Variants in AGBL4 observed in about 807,000 individuals in gnomAD.
The protein encoded by AGBL4 is cytosolic carboxypeptidase 6.
AGBL4 carries 58 observed loss-of-function variants against 66.4 expected under a neutral mutation model. The observed-to-expected ratio is 0.87, with a 90% CI of 0.71 to 1.09. The LOEUF (loss-of-function observed/expected upper bound fraction) is 1.09, where lower values mean the gene tolerates loss of function less well. Among genes scored for constraint, AGBL4 ranks in the 50% least tolerant of loss-of-function variants. The probability of loss-of-function intolerance (pLI) is 0.00; values close to 1 mark genes in which losing one functional copy is unlikely to be tolerated. For synonymous variants in AGBL4, 234 were observed against 222.9 expected (o/e 1.05, Z -0.44); for missense variants, 579 against 631.0 (o/e 0.92, Z 0.88).
At chr1:49,217,370 A>C (rs529041291) in intron 4 of AGBL4, among the ~76,000 whole-genome samples, 1 of 152,084 alleles carries the variant, frequency 6.6e-6, no homozygotes, top group Admixed American at 6.6e-5. Context: ...GCCTTTGCTG[A>C]AGCTATTATT....
chr1:48,570,906 A>G (rs1328479474), intron 11 of AGBL4, among the ~76,000 whole-genome samples: 1 of 152,184 alleles, frequency 6.6e-6, no homozygotes, highest in Non-Finnish European at 1.5e-5. Flanking sequence ...AAAACTGGTC[A>G]TCTGGCTTCG....
In AGBL4 at chr1:49,780,109, A is replaced by G. The variant is rs1557439151; in HGVS notation, c.157+71287T>C. 3.9e-5 allele frequency among the ~76,000 whole-genome samples: 6 copies of G among 152,290 alleles called. No individual in the cohort carries two copies. The East Asian group carries it at 9.6e-4, about 24-fold the overall frequency. Reference sequence around the variant, plus strand: ...CCAGAAGAACTTACTTACAAGGAATACTAAAGGAAGTTATTTAACTTCCTT... The same window carrying G: ...CCAGAAGAACTTACTTACAAGGAATGCTAAAGGAAGTTATTTAACTTCCTT... On this transcript the variant is annotated intron_variant, in intron 2 of 13. Coordinates refer to ENST00000371839, the MANE Select transcript of AGBL4 (RefSeq NM_032785.4).
intron 2 of AGBL4, among the ~76,000 whole-genome samples, chr1:49,744,529 A>G (rs1650833445): frequency 6.6e-6 from 1 of 152,132 alleles, no homozygotes; most frequent in African/African-American, 2.4e-5. Context: ...AATCAAACCT[A>G]CAAAAAATAC....
chr1:49,075,430 TTTGGGCAAAAAATAAGC>T (rs752181254), intron 4 of AGBL4, among the ~76,000 whole-genome samples: 1 of 152,204 alleles, frequency 6.6e-6, no homozygotes, highest in Non-Finnish European at 1.5e-5. Flanking sequence ...AACCCAGTTT[TTTGGGCAAAAAATAAGC>T]TGGTTACTCA....
intron 4 of AGBL4, among the ~76,000 whole-genome samples, chr1:49,241,386 T>C (rs1651220703): frequency 6.6e-6 from 1 of 152,094 alleles, no homozygotes; most frequent in Non-Finnish European, 1.5e-5. Context: ...AAATGTTCTC[T>C]CTCATTTTTT....
At chr1:49,502,709 A>G (rs780558777) in intron 3 of AGBL4, among the ~76,000 whole-genome samples, 1 of 152,080 alleles carries the variant, frequency 6.6e-6, no homozygotes, top group Non-Finnish European at 1.5e-5. Context: ...AGAGGAATAA[A>G]GGTGACTCTT....
At chr1:50,007,810 T>C (rs1024342958) in intron 1 of AGBL4, among the ~76,000 whole-genome samples, 2 of 151,668 alleles carry the variant, frequency 1.3e-5, no homozygotes, top group Admixed American at 6.6e-5. Flanking sequence ...AAGACACACA[T>C]GAACTGAAAA....
At chr1:49,797,223 G>A (rs1402021298) in intron 2 of AGBL4, among the ~76,000 whole-genome samples, 1 of 152,204 alleles carries the variant, frequency 6.6e-6, no homozygotes, top group East Asian at 1.9e-4. Flanking sequence ...CTTTGGGAAA[G>A]AAATTCCTGA....
intron 10 of AGBL4, among the ~76,000 whole-genome samples, chr1:48,589,457 G>A (rs1245768175): frequency 6.6e-6 from 1 of 152,100 alleles, no homozygotes; most frequent in Non-Finnish European, 1.5e-5. Context: ...CTGCCCCTCT[G>A]GCCACATGGA....
chr1:49,925,340 G>A (rs61785497), intron 1 of AGBL4, among the ~76,000 whole-genome samples: 30 of 152,156 alleles, frequency 2.0e-4, no homozygotes, highest in Admixed American at 1.8e-3. Flanking sequence ...GACAGGATTC[G>A]CCACGTGCTG....
intron 6 of AGBL4, among the ~76,000 whole-genome samples, chr1:48,717,636 G>A (rs1647074920): frequency 1.3e-5 from 2 of 152,152 alleles, no homozygotes; most frequent in South Asian, 4.1e-4. Flanking sequence ...GAGGATTCAA[G>A]GTGAATCTTG....
intron 3 of AGBL4, among the ~76,000 whole-genome samples, chr1:49,649,039 T>C (rs1322090696): frequency 1.3e-5 from 2 of 152,116 alleles, no homozygotes; most frequent in African/African-American, 4.8e-5. Context: ...TTATGTATGC[T>C]TATGCATATG....
intron 1 of AGBL4, among the ~76,000 whole-genome samples, chr1:49,935,830 C>T (rs980163328): frequency 1.3e-5 from 2 of 152,124 alleles, no homozygotes; most frequent in African/African-American, 4.8e-5. Flanking sequence ...ACCAAAAACC[C>T]ATCTGTACGT....
At chr1:48,676,413 A>C (rs541554360) in intron 6 of AGBL4, among the ~76,000 whole-genome samples, 1 of 152,244 alleles carries the variant, frequency 6.6e-6, no homozygotes, top group Non-Finnish European at 1.5e-5. Context: ...TGAGTGTGTG[A>C]GCCCAGGCAA....
At chr1:48,707,371 A>T (rs576627646) in intron 6 of AGBL4, among the ~76,000 whole-genome samples, 1 of 152,282 alleles carries the variant, frequency 6.6e-6, no homozygotes, top group African/African-American at 2.4e-5. Flanking sequence ...GAAATTAACC[A>T]GCACTGGGCA....
intron 3 of AGBL4, among the ~76,000 whole-genome samples, chr1:49,382,612 T>C (rs1644645374): frequency 6.6e-6 from 1 of 152,132 alleles, no homozygotes; most frequent in Non-Finnish European, 1.5e-5. Flanking sequence ...AAGGCAAGAA[T>C]GCCTACTCTT....
chr1:48,879,272 AGTGT>A (rs71672631), intron 5 of AGBL4, among the ~76,000 whole-genome samples: 27 of 148,164 alleles, frequency 1.8e-4, no homozygotes, highest in Admixed American at 5.4e-4. Context: ...GAGAGGGGTC[AGTGT>A]GTGTGTGTGT....
intron 1 of AGBL4, among the ~76,000 whole-genome samples, chr1:49,975,500 C>A (rs2148372406): frequency 6.6e-6 from 1 of 152,286 alleles, no homozygotes; most frequent in East Asian, 1.9e-4. Flanking sequence ...AGTGACTTGA[C>A]ATAATAGTCA....
At chr1:49,370,861 G>T (rs1644326456) in intron 3 of AGBL4, among the ~76,000 whole-genome samples, 1 of 152,170 alleles carries the variant, frequency 6.6e-6, no homozygotes, top group Non-Finnish European at 1.5e-5. Flanking sequence ...GAGGGTTTGA[G>T]ATGAGTTAGA....
Sources: allele counts gnomAD v4.1 joint callset (sites outside exome capture counted in the v4.1 genomes callset), GRCh38; gene constraint gnomAD v4.1.1; transcripts MANE v1.5; gene names NCBI Gene and HGNC (gene_info 2026-07-23, HGNC 2026-07-21).